Variants in MED13L observed in about 807,000 individuals in gnomAD.
The protein encoded by MED13L is mediator complex subunit 13L, also known as mediator of RNA polymerase II transcription subunit 13-like.
Under a neutral mutation model 220.9 loss-of-function variants are expected in MED13L, and 7 were observed. The ratio of observed to expected loss-of-function variants is 0.03; its 90% CI spans 0.02 to 0.06. The LOEUF (loss-of-function observed/expected upper bound fraction) is 0.06. Among genes scored for constraint, MED13L ranks in the 10% least tolerant of loss-of-function variants. The pLI, the probability that MED13L is intolerant of heterozygous loss-of-function variation, is 1.00. For missense variants in MED13L, 1,965 were observed against 2,760.5 expected (o/e 0.71, Z 6.46); for synonymous variants, 1,011 against 1,015.2 (o/e 1.00, Z 0.08).
At chr12:116,107,831 C>G (rs1332773886) in intron 3 of MED13L, among the ~76,000 whole-genome samples, 1 of 152,204 alleles carries the variant, frequency 6.6e-6, no homozygotes, top group Non-Finnish European at 1.5e-5. Context: ...GTGGCTCATG[C>G]CTGCAATCCC....
intron 2 of MED13L, among the ~76,000 whole-genome samples, chr12:116,215,607 G>C (rs1882945460): frequency 1.3e-5 from 2 of 151,860 alleles, no homozygotes; most frequent in Admixed American, 1.3e-4. Flanking sequence ...ATCTAGGAAA[G>C]AGTAATTGTT....
At chr12:116,015,379 C>G in intron 7 of MED13L, 105 bp from the exon 8 acceptor site, 1 of 1,226,858 alleles carries the variant, frequency 8.2e-7, no homozygotes, top group Non-Finnish European at 1.2e-6. Context: ...TGTTGAAAGT[C>G]ATATACATAG....
chr12:116,148,621 A>G, intron 2 of MED13L: 1 of 203,254 alleles, frequency 4.9e-6, no homozygotes, highest in Non-Finnish European at 1.2e-5. Flanking sequence ...ATATATATAT[A>G]TATATATATA....
intron 1 of MED13L, among the ~76,000 whole-genome samples, chr12:116,265,587 T>C (rs776026304): frequency 4.6e-5 from 7 of 152,238 alleles, no homozygotes; most frequent in Non-Finnish European, 1.0e-4. Flanking sequence ...TTTGTCACTT[T>C]AGTCATTAGC....
At chr12:116,037,378 G>C (rs1881254132) in intron 4 of MED13L, among the ~76,000 whole-genome samples, 1 of 152,220 alleles carries the variant, frequency 6.6e-6, no homozygotes, top group Admixed American at 6.5e-5. Context: ...ATAACCTTCA[G>C]GCTGTATGTA....
chr12:116,055,794 T>C (rs1868907582), intron 4 of MED13L, among the ~76,000 whole-genome samples: 1 of 151,608 alleles, frequency 6.6e-6, no homozygotes, highest in Non-Finnish European at 1.5e-5. Context: ...CTGGGGAGGC[T>C]GGAGGCACGA....
At chr12:116,096,075 C>T (rs951755420) in intron 4 of MED13L, among the ~76,000 whole-genome samples, 6 of 151,710 alleles carry the variant, frequency 4.0e-5, no homozygotes, top group Admixed American at 3.3e-4. Flanking sequence ...ATGATGAGGC[C>T]GGGCGCAATG....
chr12:115,986,912 C>T (rs763002498), intron 18 of MED13L, among the ~76,000 whole-genome samples, 197 bp downstream of exon 18: 9 of 152,084 alleles, frequency 5.9e-5, no homozygotes, highest in Non-Finnish European at 1.3e-4. Context: ...CCTCACTGAC[C>T]TGGATTATGC....
At chr12:116,123,130 C>T (rs919887282) in intron 2 of MED13L, among the ~76,000 whole-genome samples, 6 of 152,230 alleles carry the variant, frequency 3.9e-5, no homozygotes, top group Middle Eastern at 3.4e-3. Context: ...AACAAGGGTC[C>T]AGAAGGATTA....
rs1874001995 is a variant in MED13L, at chr12:116,277,661, TCCCTCC to T, written c.-536_-531del. Among the ~76,000 whole-genome samples, 2 of 147,564 alleles carry T rather than the reference TCCCTCC, an allele frequency of 1.4e-5. 1 individual carries two copies. Among genetic ancestry groups the T allele is most frequent in the South Asian group, 4.3e-4 (2 of 4,682 alleles). ...CCTCCCCAGTCAGCCTCGCTTCTCC[TCCCTCC>T]CCGGGCTCGCTTGCTCTGACAGCAA... On this transcript the variant is annotated 5_prime_UTR_variant, in exon 1 of 31. Transcript: ENST00000281928.
At chr12:115,993,041 A>G (rs117615393) in intron 16 of MED13L, among the ~76,000 whole-genome samples, 4,972 of 152,320 alleles carry the variant, frequency 0.033, 104 homozygotes, top group Non-Finnish European at 0.043. Context: ...TCAAAACAGT[A>G]AAGTACAACA....
Position 116,031,675 on chromosome 12 carries a change from AAAAAGAAAAGAAAAG to A in MED13L, c.480-9089_480-9075del, listed in dbSNP as rs1173196797. 4.7e-3 allele frequency among the ~76,000 whole-genome samples: 319 copies of A among 68,018 alleles called. 9 individuals are homozygous for A. The highest frequency in any genetic ancestry group is 7.4e-3 in the Middle Eastern group (1 of 136). The allele number at this position is 68,018 out of a possible 152,430, so 44.6% of individuals were successfully genotyped here. ...GGACGGGACGGGACGGGAGAAAAGA[AAAAAGAAAAGAAAAG>A]AAAAGAAAAGAAAAGAAAAGAAAAG... On this transcript the variant is annotated intron_variant, in intron 4 of 30. Transcript: ENST00000281928.
chr12:116,109,494 G>C (rs184130999), intron 3 of MED13L, among the ~76,000 whole-genome samples: 2 of 151,744 alleles, frequency 1.3e-5, no homozygotes, highest in East Asian at 3.9e-4. Context: ...GCATTTGTTC[G>C]TATTCTTCTG....
At chr12:116,167,827 A>ATAACATGGCCTT (rs1431187886) in intron 2 of MED13L, among the ~76,000 whole-genome samples, 1 of 152,160 alleles carries the variant, frequency 6.6e-6, no homozygotes, top group African/African-American at 2.4e-5. Flanking sequence ...GCTAATAGCT[A>ATAACATGGCCTT]TAACATGGCC....
At chr12:116,148,924 A>T (rs1254432952) in intron 2 of MED13L, among the ~76,000 whole-genome samples, 1 of 152,164 alleles carries the variant, frequency 6.6e-6, no homozygotes, top group Non-Finnish European at 1.5e-5. Context: ...GGCTCTGATC[A>T]TGTTTTTAAA....
chr12:116,123,840 CGA>C (rs1198191501), intron 2 of MED13L, among the ~76,000 whole-genome samples: 1 of 151,924 alleles, frequency 6.6e-6, no homozygotes, highest in African/African-American at 2.4e-5. Flanking sequence ...ACGGCGTGAC[CGA>C]GAGAACATGG....
intron 4 of MED13L, among the ~76,000 whole-genome samples, chr12:116,061,531 A>G (rs1038559383): frequency 6.6e-6 from 1 of 152,154 alleles, no homozygotes; most frequent in Non-Finnish European, 1.5e-5. Context: ...ATAAACATAA[A>G]ATAAGATAAA....
At chr12:115,998,915 A>G (rs1878575510) in intron 14 of MED13L, among the ~76,000 whole-genome samples, 1 of 152,222 alleles carries the variant, frequency 6.6e-6, no homozygotes, top group Admixed American at 6.5e-5. Flanking sequence ...AAAAAACTAA[A>G]AATCCCAAGT....
At chr12:115,980,294 C>T (rs1877235551) in intron 23 of MED13L, among the ~76,000 whole-genome samples, 1 of 152,268 alleles carries the variant, frequency 6.6e-6, no homozygotes, top group South Asian at 2.1e-4. Context: ...GAAGTATCTC[C>T]TCTATTTAAA....
Sources: gnomAD v4.1 joint callset for allele counts (sites outside exome capture counted in the v4.1 genomes callset) on GRCh38, gnomAD v4.1.1 for gene constraint, MANE v1.5 for transcripts, NCBI Gene and HGNC (gene_info 2026-07-23, HGNC 2026-07-21) for gene names.